The following GPHN variants were observed in gnomAD, a reference collection of about 807,000 sequenced individuals.
GPHN encodes gephyrin.
A neutral mutation model predicts 95.5 loss-of-function variants in GPHN; 17 were observed. The ratio of observed to expected loss-of-function variants is 0.18; its 90% CI spans 0.12 to 0.27. The LOEUF is 0.27. Ranked by LOEUF, GPHN falls within the 10% of genes least tolerant of loss-of-function variation. The pLI, the probability that GPHN is intolerant of heterozygous loss-of-function variation, is 1.00. For synonymous variants in GPHN, 320 were observed against 322.5 expected, an observed-to-expected ratio of 0.99 and a Z score of 0.08; for missense variants, 660 against 978.1, an observed-to-expected ratio of 0.67 and a Z score of 4.34.
chr14:67,010,566 AAAAG>A (rs1438452090), intron 9 of GPHN, among the ~76,000 whole-genome samples: 1 of 151,428 alleles, frequency 6.6e-6, no homozygotes, highest in Non-Finnish European at 1.5e-5. Flanking sequence ...AAAAAAAAAA[AAAAG>A]AAAGAAAAAA....
intron 3 of GPHN, among the ~76,000 whole-genome samples, chr14:66,793,897 T>G (rs1363837357): frequency 6.6e-6 from 1 of 151,984 alleles, no homozygotes; most frequent in Non-Finnish European, 1.5e-5. Context: ...ATAGAAAACA[T>G]AGAGAAAAAT....
intron 2 of GPHN, among the ~76,000 whole-genome samples, chr14:66,691,250 T>C (rs2067759722): frequency 6.6e-6 from 1 of 152,034 alleles, no homozygotes; most frequent in Non-Finnish European, 1.5e-5. Context: ...AGTGGCGCAA[T>C]CTCGGCTCAC....
the GPHN span, among the ~76,000 whole-genome samples, chr14:67,630,510 C>CGGAT: frequency 2.6e-5 from 4 of 152,200 alleles, no homozygotes; most frequent in South Asian, 2.1e-4. Flanking sequence ...TCTGCTTATC[C>CGGAT]TATTGTCCAG....
the GPHN span, among the ~76,000 whole-genome samples, chr14:67,319,105 TAAC>T: frequency 6.6e-6 from 1 of 152,168 alleles, no homozygotes; most frequent in Non-Finnish European, 1.5e-5. Flanking sequence ...CTGAAATTCT[TAAC>T]AACTAATACA....
At chr14:67,036,246 T>C (rs1256625871) in intron 10 of GPHN, among the ~76,000 whole-genome samples, 1 of 150,934 alleles carries the variant, frequency 6.6e-6, no homozygotes, top group African/African-American at 2.4e-5. Flanking sequence ...AGGTCATTTA[T>C]GAAAAGCTCA....
chr14:67,535,564 T>C, the GPHN span, among the ~76,000 whole-genome samples: 1 of 151,978 alleles, frequency 6.6e-6, no homozygotes. Flanking sequence ...GTATTTTTAG[T>C]AGAGACAGGG....
chr14:67,318,824 G>A, the GPHN span, among the ~76,000 whole-genome samples: 6 of 152,184 alleles, frequency 3.9e-5, no homozygotes, highest in Admixed American at 3.9e-4. Context: ...TTGGGAGGCC[G>A]AGGCAGGCGG....
chr14:66,712,335 T>G (rs2069721572), intron 2 of GPHN, among the ~76,000 whole-genome samples: 1 of 152,226 alleles, frequency 6.6e-6, no homozygotes, highest in Admixed American at 6.5e-5. Flanking sequence ...ATTTCTCTGA[T>G]GACCAGTTAT....
At chr14:66,560,164 C>G (rs893541701) in intron 1 of GPHN, among the ~76,000 whole-genome samples, 1 of 152,048 alleles carries the variant, frequency 6.6e-6, no homozygotes, top group Admixed American at 6.6e-5. Context: ...AGTTTGAAGT[C>G]AGGTAGCGTG....
At chr14:66,565,597 G>A (rs538548287) in intron 1 of GPHN, among the ~76,000 whole-genome samples, 6 of 152,054 alleles carry the variant, frequency 3.9e-5, no homozygotes, top group Non-Finnish European at 5.9e-5. Context: ...ACCGTGCCTG[G>A]CCTTTATATA....
At chr14:67,122,642 T>A (rs1253447483) in intron 17 of GPHN, among the ~76,000 whole-genome samples, 1 of 152,218 alleles carries the variant, frequency 6.6e-6, no homozygotes, top group East Asian at 1.9e-4. Flanking sequence ...AGTTTTGGTT[T>A]TATCCCAATG....
intron 2 of GPHN, among the ~76,000 whole-genome samples, chr14:66,735,333 T>C (rs2072164043): frequency 6.6e-6 from 1 of 152,066 alleles, no homozygotes; most frequent in Non-Finnish European, 1.5e-5. Flanking sequence ...TTTTGCACAG[T>C]TAACTGTGAG....
At chr14:67,526,834 G>T in the GPHN span, among the ~76,000 whole-genome samples, 1 of 152,080 alleles carries the variant, frequency 6.6e-6, no homozygotes, top group Admixed American at 6.6e-5. Context: ...CTGAGGGCAG[G>T]TTTGTCATCA....
the GPHN span, among the ~76,000 whole-genome samples, chr14:67,475,222 C>T: frequency 6.6e-6 from 1 of 152,074 alleles, no homozygotes. Flanking sequence ...GCCAGAATTT[C>T]CTTCCTTTTA....
the GPHN span, chr14:67,616,433 C>T: frequency 0.022 from 3,451 of 153,972 alleles, 128 homozygotes; most frequent in African/African-American, 0.08. Flanking sequence ...TCTGATGCAG[C>T]TTATATGAAA....
At chr14:67,196,135 C>T in the GPHN span, among the ~76,000 whole-genome samples, 1 of 152,186 alleles carries the variant, frequency 6.6e-6, no homozygotes, top group African/African-American at 2.4e-5. Context: ...AAGGGCTCCA[C>T]TCTAGTCTTT....
intron 1 of GPHN, among the ~76,000 whole-genome samples, chr14:66,615,133 C>G (rs2062950943): frequency 6.6e-6 from 1 of 152,082 alleles, no homozygotes; most frequent in Non-Finnish European, 1.5e-5. Flanking sequence ...TGGGTTGGTT[C>G]CGTGTCTTTG....
At chr14:66,886,385 C>G (rs1474584766) in intron 5 of GPHN, among the ~76,000 whole-genome samples, 1 of 152,040 alleles carries the variant, frequency 6.6e-6, no homozygotes, top group African/African-American at 2.4e-5. Flanking sequence ...AAATACTTTT[C>G]CCCCATGAGT....
the GPHN span, among the ~76,000 whole-genome samples, chr14:67,215,518 A>G: frequency 1.1e-4 from 17 of 151,904 alleles, no homozygotes; most frequent in Non-Finnish European, 1.6e-4. Flanking sequence ...TTAAAAAACA[A>G]CAACAACAAC....
Sources: allele counts gnomAD v4.1 joint callset (sites outside exome capture counted in the v4.1 genomes callset), GRCh38; gene constraint gnomAD v4.1.1; transcripts MANE v1.5; gene names NCBI Gene and HGNC (gene_info 2026-07-23, HGNC 2026-07-21).